RERE: variants seen among roughly 807,000 people sequenced by gnomAD.
RERE encodes arginine-glutamic acid dipeptide repeats protein.
In RERE, 40 loss-of-function variants were observed where a neutral mutation model predicts 146.1. The observed-to-expected ratio is 0.27, with a 90% confidence interval of 0.21 to 0.36. The LOEUF is 0.36. Ranked by LOEUF, RERE falls within the 10% of genes least tolerant of loss-of-function variation. The pLI, the probability that RERE is intolerant of heterozygous loss-of-function variation, is 1.00. For synonymous variants in RERE, 1,003 were observed against 866.0 expected (o/e 1.16, Z -2.78); for missense variants, 1,933 against 2,138.7 (o/e 0.90, Z 1.90).
At chr1:8,498,715 A>T (rs12024060) in intron 8 of RERE, among the ~76,000 whole-genome samples, 75,685 of 130,238 alleles carry the variant, frequency 0.58, 22,545 homozygotes, top group East Asian at 0.82. Context: ...AAAAATAAAA[A>T]AAAAAAAATA....
At chr1:8,379,900 G>A (rs1433749767) in intron 12 of RERE, among the ~76,000 whole-genome samples, 1 of 152,184 alleles carries the variant, frequency 6.6e-6, no homozygotes, top group Non-Finnish European at 1.5e-5. Context: ...GGCTGGGTGG[G>A]ATCACTTCAC....
chr1:8,690,197 G>A (rs945849692), intron 1 of RERE, among the ~76,000 whole-genome samples: 1 of 152,170 alleles, frequency 6.6e-6, no homozygotes, highest in Non-Finnish European at 1.5e-5. Flanking sequence ...CTTTCTCAAT[G>A]AGGGCTCTCT....
intron 4 of RERE, among the ~76,000 whole-genome samples, chr1:8,560,998 G>C (rs1646071808): frequency 6.6e-6 from 1 of 152,170 alleles, no homozygotes; most frequent in Non-Finnish European, 1.5e-5. Context: ...ATACCTTTTA[G>C]ATACAGTAAC....
chr1:8,589,406 C>G (rs1285676140), intron 4 of RERE, among the ~76,000 whole-genome samples: 3 of 152,192 alleles, frequency 2.0e-5, no homozygotes, highest in Non-Finnish European at 4.4e-5. Context: ...AGCCACTGCA[C>G]TCCAGCATGG....
At chr1:8,521,141 A>C (rs1645492240) in intron 7 of RERE, among the ~76,000 whole-genome samples, 1 of 144,180 alleles carries the variant, frequency 6.9e-6, no homozygotes, top group African/African-American at 2.6e-5. Flanking sequence ...AACACACCCA[A>C]TATTATAAAT....
rs561434023 is a variant in RERE at position 8,525,751 on chromosome 1, T to A, written c.830+15463A>T. On this transcript the variant is annotated intron_variant, in intron 7 of 22. Transcript: ENST00000400908. ...CTGTTTCGGTGAGGCCAGGGGAAGATAGCCTACCTGCAGGGGCTGAATGGA... is the reference window on the plus strand; with the variant it reads ...CTGTTTCGGTGAGGCCAGGGGAAGAAAGCCTACCTGCAGGGGCTGAATGGA... 8 of 1,598,074 alleles carry A rather than the reference T, an allele frequency of 5.0e-6. No individual in the cohort carries two copies. The South Asian group carries it at 9.0e-5, about 18-fold the overall frequency.
intron 1 of RERE, among the ~76,000 whole-genome samples, chr1:8,781,346 G>A (rs1424099980): frequency 3.4e-5 from 5 of 145,386 alleles, no homozygotes; most frequent in African/African-American, 1.0e-4. Flanking sequence ...GACAGAGCAA[G>A]ACTCCGTCTC....
intron 17 of RERE, 45 bp from the exon 18 acceptor site, chr1:8,361,535 C>A: frequency 1.3e-6 from 2 of 1,597,534 alleles, no homozygotes; most frequent in Non-Finnish European, 1.7e-6. Flanking sequence ...GAGGGCAGAG[C>A]CCTGTCTGCT....
intron 1 of RERE, chr1:8,750,514 G>T: frequency 9.2e-7 from 1 of 1,088,268 alleles, no homozygotes. Flanking sequence ...CAGAGCTGAA[G>T]ATCAAGCTCC....
chr1:8,708,747 T>G (rs775954233), intron 1 of RERE, among the ~76,000 whole-genome samples: 3 of 152,160 alleles, frequency 2.0e-5, no homozygotes, highest in Non-Finnish European at 2.9e-5. Context: ...CACGTGGAAC[T>G]GTGAGTCCAC....
chr1:8,366,916 C>CAAAAAAAAAAA (rs5772317), intron 12 of RERE, among the ~76,000 whole-genome samples: 1 of 107,684 alleles, frequency 9.3e-6, no homozygotes, highest in Non-Finnish European at 1.8e-5. Context: ...AAAAAAAAAA[C>CAAAAAAAAAAA]AAAAAAAAAA....
chr1:8,605,620 G>A (rs996423304), intron 4 of RERE, among the ~76,000 whole-genome samples: 9 of 151,656 alleles, frequency 5.9e-5, no homozygotes, highest in Admixed American at 2.0e-4. Context: ...GTGGTGGCAC[G>A]TGACTGTAAT....
intron 1 of RERE, among the ~76,000 whole-genome samples, chr1:8,783,200 T>C (rs1442134285): frequency 1.3e-5 from 2 of 151,942 alleles, no homozygotes; most frequent in Admixed American, 1.3e-4. Flanking sequence ...CTGAGCATGG[T>C]GGCACATGCC....
chr1:8,776,416 G>A (rs1190919576), intron 1 of RERE, among the ~76,000 whole-genome samples: 3 of 152,062 alleles, frequency 2.0e-5, no homozygotes, highest in Non-Finnish European at 4.4e-5. Context: ...TAGTGCCTCA[G>A]CCTTCCAAGT....
intron 1 of RERE, among the ~76,000 whole-genome samples, chr1:8,676,641 C>A (rs1638847452): frequency 6.6e-6 from 1 of 152,210 alleles, no homozygotes; most frequent in Non-Finnish European, 1.5e-5. Context: ...AAAAGTATCT[C>A]TGCCCTCAAT....
chr1:8,569,270 A>AAG (rs796926770), intron 4 of RERE, among the ~76,000 whole-genome samples: 21 of 152,146 alleles, frequency 1.4e-4, no homozygotes, highest in African/African-American at 4.3e-4. Context: ...AAAAAAAAAA[A>AAG]AAAGAGTACA....
intron 1 of RERE, among the ~76,000 whole-genome samples, chr1:8,807,208 C>T (rs753600646): frequency 6.6e-5 from 10 of 152,104 alleles, no homozygotes; most frequent in Non-Finnish European, 1.5e-4. Flanking sequence ...CGTGCTACCA[C>T]GCCTGGCTAA....
chr1:8,551,103 T>C (rs1645929728), intron 6 of RERE, among the ~76,000 whole-genome samples: 1 of 152,170 alleles, frequency 6.6e-6, no homozygotes, highest in South Asian at 2.1e-4. Flanking sequence ...TGACAGCCTA[T>C]AACCTGACCT....
chr1:8,458,410 C>A (rs953870721), intron 11 of RERE, among the ~76,000 whole-genome samples: 4 of 152,040 alleles, frequency 2.6e-5, no homozygotes, highest in African/African-American at 9.7e-5. Flanking sequence ...CCCCTTACTC[C>A]CCGCTCAAGC....
Sources: allele counts gnomAD v4.1 joint callset (sites outside exome capture counted in the v4.1 genomes callset), GRCh38; gene constraint gnomAD v4.1.1; transcripts MANE v1.5; gene names NCBI Gene and HGNC (gene_info 2026-07-23, HGNC 2026-07-21).